EML6: variants seen among roughly 807,000 people sequenced by gnomAD.
EML6 encodes echinoderm microtubule-associated protein-like 6.
In EML6, 154 loss-of-function variants were observed where a neutral mutation model predicts 240.1. That is an observed-to-expected ratio of 0.64 (90% CI 0.56 to 0.73). The LOEUF (loss-of-function observed/expected upper bound fraction) is 0.73. EML6 is among the 30% of genes least tolerant of loss of function. The pLI, the probability that EML6 is intolerant of heterozygous loss-of-function variation, is 0.00. For synonymous variants in EML6, 1,148 were observed against 899.0 expected (o/e 1.28, Z -4.95); for missense variants, 2,964 against 2,474.6 (o/e 1.20, Z -4.20).
chr2:54,899,916 T>C (rs1009647900), intron 22 of EML6, 134 bp downstream of exon 22: 2 of 870,154 alleles, frequency 2.3e-6, no homozygotes, highest in Admixed American at 2.9e-5. Flanking sequence ...GAGAATTTTA[T>C]ATTGGTTGCT....
chr2:54,821,889 C>A (rs1436797098), intron 5 of EML6, among the ~76,000 whole-genome samples: 1 of 151,976 alleles, frequency 6.6e-6, no homozygotes, highest in Non-Finnish European at 1.5e-5. Flanking sequence ...TATTTAACTG[C>A]TCAAATTGGA....
intron 17 of EML6, among the ~76,000 whole-genome samples, chr2:54,886,774 G>C (rs550277037): frequency 6.6e-6 from 1 of 152,218 alleles, no homozygotes; most frequent in South Asian, 2.1e-4. Context: ...TGAGTTTTAA[G>C]AGTTTTAATA....
chr2:54,918,450 G>T (rs1230807069), intron 26 of EML6, among the ~76,000 whole-genome samples: 1 of 152,158 alleles, frequency 6.6e-6, no homozygotes, highest in South Asian at 2.1e-4. Flanking sequence ...CTAGACTCAA[G>T]CAATCAATCC....
At chr2:54,806,446 C>A (rs1670484433) in intron 2 of EML6, among the ~76,000 whole-genome samples, 1 of 151,778 alleles carries the variant, frequency 6.6e-6, no homozygotes, top group South Asian at 2.1e-4. Context: ...AACCCTGTCT[C>A]TACTAAAAAT....
intron 2 of EML6, among the ~76,000 whole-genome samples, chr2:54,799,180 C>G (rs1669981314): frequency 6.6e-6 from 1 of 152,154 alleles, no homozygotes; most frequent in Non-Finnish European, 1.5e-5. Flanking sequence ...CTTGCCTCAG[C>G]CTACCTAGTA....
intron 26 of EML6, among the ~76,000 whole-genome samples, chr2:54,926,367 G>T (rs1049213384): frequency 1.3e-5 from 2 of 152,240 alleles, no homozygotes; most frequent in Admixed American, 1.3e-4. Flanking sequence ...CTCCCAAAGT[G>T]CTGGGATTAC....
At chr2:54,734,869 G>A (rs1683325182) in intron 2 of EML6, among the ~76,000 whole-genome samples, 1 of 152,114 alleles carries the variant, frequency 6.6e-6, no homozygotes, top group Admixed American at 6.5e-5. Context: ...ACTTGCTTAA[G>A]GCTCCTTATT....
chr2:54,756,247 C>T (rs1373614596), intron 2 of EML6, among the ~76,000 whole-genome samples: 1 of 152,178 alleles, frequency 6.6e-6, no homozygotes, highest in African/African-American at 2.4e-5. Context: ...CTGTCAGGAT[C>T]CCTGCCCCTA....
intron 7 of EML6, among the ~76,000 whole-genome samples, chr2:54,834,839 T>C (rs1300055751): frequency 6.6e-6 from 1 of 152,232 alleles, no homozygotes; most frequent in Non-Finnish European, 1.5e-5. Context: ...CATAGAATAT[T>C]GCAGTTGCTT....
chr2:54,898,651 A>T (rs970033983), intron 21 of EML6, among the ~76,000 whole-genome samples: 1 of 152,184 alleles, frequency 6.6e-6, no homozygotes, highest in Non-Finnish European at 1.5e-5. Context: ...GAATCATCCA[A>T]TTTCTCTTTG....
chr2:54,953,687 G>A (rs1202942456), intron 31 of EML6, among the ~76,000 whole-genome samples: 1 of 152,078 alleles, frequency 6.6e-6, no homozygotes, highest in Non-Finnish European at 1.5e-5. Flanking sequence ...AGGAGTTTGA[G>A]ACCAGCCTGG....
At chr2:54,790,852 A>G (rs982852242) in intron 2 of EML6, among the ~76,000 whole-genome samples, 1 of 150,740 alleles carries the variant, frequency 6.6e-6, no homozygotes, top group African/African-American at 2.4e-5. Flanking sequence ...CAGCCTCCCG[A>G]GTAGCTGGGA....
At chr2:54,881,606 G>GCC (rs1671811109) in intron 17 of EML6, 1 of 138,664 alleles carries the variant, frequency 7.2e-6, no homozygotes, top group Non-Finnish European at 1.5e-5. Context: ...CCACAATTTA[G>GCC]CCACTGCACT....
intron 33 of EML6, 89 bp downstream of exon 33, chr2:54,958,087 G>A: frequency 6.0e-6 from 7 of 1,168,330 alleles, no homozygotes; most frequent in Admixed American, 2.6e-5. Context: ...TTGGCCAAGA[G>A]GCTGAAAACA....
At chr2:54,902,601 G>A (rs1017969276) in intron 22 of EML6, among the ~76,000 whole-genome samples, 9 of 152,068 alleles carry the variant, frequency 5.9e-5, no homozygotes, top group African/African-American at 1.4e-4. Context: ...ATTTTGCTGC[G>A]TTGCCCAGGC....
At chr2:54,813,974 A>G (rs1275015821) in intron 3 of EML6, among the ~76,000 whole-genome samples, 1 of 152,126 alleles carries the variant, frequency 6.6e-6, no homozygotes, top group East Asian at 1.9e-4. Context: ...TTAAGTGCTA[A>G]TAAGTCAGTG....
chr2:54,827,615 G>C lies in EML6; in HGVS notation c.575G>C (p.Gly192Ala). Residue 192 changes from glycine to alanine, a missense_variant, in exon 6 of 42, where the codon GGC becomes GCC. Coordinates refer to ENST00000356458, the MANE Select transcript of EML6 (RefSeq NM_001039753.4). The stretch of plus-strand genomic sequence containing the variant: ...CTGACTGCAAAAAGAGGGATATTTG[G>C]CAAAACAGGGGATCTTCAGACCATC... ...NALTAKRGIF[G>A]KTGDLQTILC... The C allele has an allele frequency of 5.8e-6, 9 of 1,551,668 alleles. No homozygotes were observed. The highest frequency in any genetic ancestry group is 7.8e-6 in the Non-Finnish European group (9 of 1,146,976).
chr2:54,781,925 T>C (rs928581879), intron 2 of EML6, among the ~76,000 whole-genome samples: 2 of 152,210 alleles, frequency 1.3e-5, no homozygotes, highest in Non-Finnish European at 2.9e-5. Flanking sequence ...CACCTTGGCC[T>C]CCCAAAGTGC....
At position 54,743,500 on chromosome 2, in the gene EML6, G is replaced by A. The variant is rs1460326330; in HGVS notation, c.197+18242G>A. Among the ~76,000 whole-genome samples the A allele has an allele frequency of 2.6e-5, 4 of 152,160 alleles. No individual in the cohort carries two copies. The East Asian group carries it at 7.7e-4, about 29-fold the overall frequency. On this transcript the variant is annotated intron_variant, in intron 2 of 41. Transcript: ENST00000356458. ...TCCCTGTAATCCTGAAGAGAATTCAGAGGTATAGTTACATGGCTAGTAACC... is the reference window on the plus strand; with the variant it reads ...TCCCTGTAATCCTGAAGAGAATTCAAAGGTATAGTTACATGGCTAGTAACC...
Sources: gnomAD v4.1 joint callset for allele counts (sites outside exome capture counted in the v4.1 genomes callset) on GRCh38, gnomAD v4.1.1 for gene constraint, MANE v1.5 for transcripts, NCBI Gene and HGNC (gene_info 2026-07-23, HGNC 2026-07-21) for gene names.